Variants in PMEPA1 observed in about 807,000 individuals in gnomAD.
PMEPA1 encodes prostate transmembrane protein, androgen induced 1.
Under a neutral mutation model 23.0 loss-of-function variants are expected in PMEPA1, and 11 were observed. That is an observed-to-expected ratio of 0.48 (90% CI 0.30 to 0.79). The LOEUF is 0.79. Ranked by LOEUF, PMEPA1 falls within the 30% of genes least tolerant of loss-of-function variation. The pLI is 0.06. For synonymous variants in PMEPA1, 204 were observed against 166.4 expected (o/e 1.23, Z -1.74); for missense variants, 377 against 390.9 (o/e 0.96, Z 0.30).
At chr20:57,680,987 G>C (rs960283612) in intron 1 of PMEPA1, among the ~76,000 whole-genome samples, 8 of 152,156 alleles carry the variant, frequency 5.3e-5, no homozygotes, top group African/African-American at 1.9e-4. Context: ...GTCGGGGCCG[G>C]GTCAGTGAGG....
intron 1 of PMEPA1, among the ~76,000 whole-genome samples, chr20:57,693,764 G>T (rs2071912327): frequency 6.6e-6 from 1 of 152,128 alleles, no homozygotes; most frequent in African/African-American, 2.4e-5. Context: ...AATACACAGA[G>T]ATCAGGATGC....
intron 1 of PMEPA1, among the ~76,000 whole-genome samples, chr20:57,675,099 T>A (rs1364384506): frequency 6.6e-6 from 1 of 152,144 alleles, no homozygotes; most frequent in East Asian, 1.9e-4. Flanking sequence ...CTTATTATCA[T>A]CCCATTTTTG....
rs1433698997 is a variant in PMEPA1 at position 57,682,608 on chromosome 20, A to T, written c.110-22911T>A. Reference sequence around the variant, plus strand: ...GAAGACGAAAGGACACGAGAAGGAGAGGCACAGCTGCGTCGCTGGCTGTGA... The same window carrying T: ...GAAGACGAAAGGACACGAGAAGGAGTGGCACAGCTGCGTCGCTGGCTGTGA... On this transcript the variant is annotated intron_variant, in intron 1 of 3. Transcript: ENST00000341744. The surrounding 1 kb of genome is among the most constrained non-coding windows in gnomAD (Gnocchi z 4.4). Among the ~76,000 whole-genome samples, 1 of 152,060 alleles carries T rather than the reference A, an allele frequency of 6.6e-6. No individual in the cohort carries two copies. The highest frequency in any genetic ancestry group is 1.5e-5 in the Non-Finnish European group (1 of 68,012).
At chr20:57,675,737 G>GGTGTCT (rs1394323816) in intron 1 of PMEPA1, among the ~76,000 whole-genome samples, 1 of 152,220 alleles carries the variant, frequency 6.6e-6, no homozygotes, top group African/African-American at 2.4e-5. Context: ...CGTGTCCAAG[G>GGTGTCT]GTGTCTGTGT....
At position 57,652,292 on chromosome 20, in the gene PMEPA1, T is replaced by TG. The variant is rs751873496; in HGVS notation, c.624dup (p.Ser209GlnfsTer3). 19 of 1,609,828 alleles carry TG rather than the reference T, an allele frequency of 1.2e-5. No homozygotes were observed. Among genetic ancestry groups the TG allele is most frequent in the Non-Finnish European group, 8.5e-7 (1 of 1,179,610 alleles). On this transcript the variant is annotated frameshift_variant, in exon 4 of 4. Coordinates refer to ENST00000341744, the MANE Select transcript of PMEPA1 (RefSeq NM_020182.5). LOFTEE classifies it high-confidence loss of function. The surrounding 1 kb of genome is among the most constrained non-coding windows in gnomAD (Gnocchi z 6.1). ...GTGGCGCTGATGCCCGAGTTACTGCTGGGGGGGCAGGGGCCGCCCAGCCTG... is the reference window on the plus strand; with the variant it reads ...GTGGCGCTGATGCCCGAGTTACTGCTGGGGGGGGCAGGGGCCGCCCAGCCTG...
At chr20:57,701,853 G>T (rs1044159888) in intron 1 of PMEPA1, among the ~76,000 whole-genome samples, 1 of 152,142 alleles carries the variant, frequency 6.6e-6, no homozygotes, top group African/African-American at 2.4e-5. Flanking sequence ...ACGCACATGA[G>T]ACTCCTACCA....
At chr20:57,707,927 C>T (rs1262492107) in intron 1 of PMEPA1, among the ~76,000 whole-genome samples, 1 of 152,238 alleles carries the variant, frequency 6.6e-6, no homozygotes. Flanking sequence ...TCTGGGAAGG[C>T]AAGTCGGTTC....
Position 57,709,761 on chromosome 20 carries a change from G to C in PMEPA1, c.-179C>G. 1 of 980,736 alleles carries C rather than the reference G, an allele frequency of 1.0e-6. No homozygotes were observed. Among genetic ancestry groups the C allele is most frequent in the Non-Finnish European group, 1.2e-6 (1 of 827,860 alleles). 60.8% of individuals were successfully genotyped at this position (980,736 alleles called of 1,614,324 possible). A position where few individuals can be genotyped will look rare whatever the true frequency, so the allele number is the denominator to read the frequency against. ...CGGGGCGCCGCGGGGCTCAGTGCGC[G>C]GGACCGCGCTCCGCTGCGCCCCCCC... On this transcript the variant is annotated 5_prime_UTR_variant, in exon 1 of 4. Transcript: ENST00000341744.
chr20:57,668,021 G>T (rs1437372965), intron 1 of PMEPA1, among the ~76,000 whole-genome samples: 2 of 152,208 alleles, frequency 1.3e-5, no homozygotes, highest in Admixed American at 6.5e-5. Context: ...CTTGAGGTTT[G>T]GGGGGCGGGC....
Position 57,683,547 on chromosome 20 carries a change from CTGTGTGCG to C in PMEPA1, c.110-23858_110-23851del, listed in dbSNP as rs2071750743. On this transcript the variant is annotated intron_variant, in intron 1 of 3. Coordinates refer to ENST00000341744, the MANE Select transcript of PMEPA1 (RefSeq NM_020182.5). The surrounding 1 kb of genome is among the most constrained non-coding windows in gnomAD (Gnocchi z 4.3). Reference sequence around the variant, plus strand: ...ACTAACTCGGTGGTGGTGTTCTGGCCTGTGTGCGTGTGTGTGTGTGTGTGTGTGTGTGT... The same window carrying C: ...ACTAACTCGGTGGTGGTGTTCTGGCCTGTGTGTGTGTGTGTGTGTGTGTGT... Among the ~76,000 whole-genome samples the C allele has an allele frequency of 7.1e-6, 1 of 139,878 alleles. No homozygotes were observed. The highest frequency in any genetic ancestry group is 1.5e-5 in the Non-Finnish European group (1 of 67,026). The allele number at this position is 139,878 out of a possible 152,430, so 91.8% of individuals were successfully genotyped here.
intron 1 of PMEPA1, among the ~76,000 whole-genome samples, chr20:57,664,135 C>A (rs2071460143): frequency 6.6e-6 from 1 of 152,194 alleles, no homozygotes; most frequent in Non-Finnish European, 1.5e-5. Context: ...AGGGCACGCG[C>A]ACCGACCGTC....
At chr20:57,665,179 A>G (rs2071475532) in intron 1 of PMEPA1, among the ~76,000 whole-genome samples, 1 of 152,206 alleles carries the variant, frequency 6.6e-6, no homozygotes, top group Non-Finnish European at 1.5e-5. Flanking sequence ...ACCCGGGGCC[A>G]CTGAGCTGAG....
intron 1 of PMEPA1, among the ~76,000 whole-genome samples, chr20:57,664,599 G>T (rs2071467972): frequency 6.7e-6 from 1 of 149,756 alleles, no homozygotes; most frequent in East Asian, 1.9e-4. Context: ...AGGCTGCTGG[G>T]GCCCATTCCC....
In PMEPA1 at chr20:57,651,028, C is replaced by T. The variant is rs1414603935; in HGVS notation, c.*1025G>A. On this transcript the variant is annotated 3_prime_UTR_variant, in exon 4 of 4. Coordinates refer to ENST00000341744, the MANE Select transcript of PMEPA1 (RefSeq NM_020182.5). ...CCATGCTCCACCCCACGGGGACCTT[C>T]ACAGTTGGAAAAAAGAAGAGGAAAA... 1 of 152,206 alleles carries T rather than the reference C, an allele frequency of 6.6e-6. No homozygotes were observed. Among genetic ancestry groups the T allele is most frequent in the Admixed American group, 6.5e-5 (1 of 15,290 alleles). The allele number at this position is 152,206 out of a possible 1,614,324, so 9.4% of individuals were successfully genotyped here. A position where few individuals can be genotyped will look rare whatever the true frequency, so the allele number is the denominator to read the frequency against.
chr20:57,704,444 A>T lies in PMEPA1; in HGVS notation c.109+5030T>A, dbSNP rs980044487. 1.3e-5 allele frequency among the ~76,000 whole-genome samples: 2 copies of T among 152,154 alleles called. No individual in the cohort carries two copies. Among genetic ancestry groups the T allele is most frequent in the Admixed American group, 1.3e-4 (2 of 15,286 alleles). ...TGCCCCAACCATGCGTGCGTTACGC[A>T]ACACTTTGTAAAAAGCAAAAAATGG... On this transcript the variant is annotated intron_variant, in intron 1 of 3. Transcript: ENST00000341744. This position sits in a 1 kb window ranked among gnomAD's most constrained non-coding sequence, Gnocchi z 4.6.
At chr20:57,672,569 G>A (rs940664239) in intron 1 of PMEPA1, among the ~76,000 whole-genome samples, 7 of 152,240 alleles carry the variant, frequency 4.6e-5, no homozygotes, top group South Asian at 2.1e-4. Flanking sequence ...GACGGGCACC[G>A]TCTGGAGGGG....
chr20:57,684,212 G>A (rs963295285), intron 1 of PMEPA1, among the ~76,000 whole-genome samples: 52 of 136,050 alleles, frequency 3.8e-4, no homozygotes, highest in Middle Eastern at 8.1e-3. Context: ...GAGGGGAGGC[G>A]GGTGGAAATT....
intron 1 of PMEPA1, among the ~76,000 whole-genome samples, chr20:57,680,974 C>T (rs543587832): frequency 4.6e-5 from 7 of 151,122 alleles, no homozygotes; most frequent in Non-Finnish European, 7.4e-5. Flanking sequence ...AATCATCCCA[C>T]GGGTCGGGGC....
At position 57,682,711 on chromosome 20, in the gene PMEPA1, G is replaced by A. The variant is rs972223154; in HGVS notation, c.110-23014C>T. On this transcript the variant is annotated intron_variant, in intron 1 of 3. Coordinates refer to ENST00000341744, the MANE Select transcript of PMEPA1 (RefSeq NM_020182.5). The surrounding 1 kb of genome is among the most constrained non-coding windows in gnomAD (Gnocchi z 4.4). Reference sequence around the variant, plus strand: ...TCCCTGTCAAGTCTGTGTCCCCATCGCCAGCAGAAACCAACTCCTCCTGGA... The same window carrying A: ...TCCCTGTCAAGTCTGTGTCCCCATCACCAGCAGAAACCAACTCCTCCTGGA... 1.3e-5 allele frequency among the ~76,000 whole-genome samples: 2 copies of A among 152,148 alleles called. No individual in the cohort carries two copies. Among genetic ancestry groups the A allele is most frequent in the Non-Finnish European group, 2.9e-5 (2 of 68,028 alleles).
Sources: allele counts gnomAD v4.1 joint callset (sites outside exome capture counted in the v4.1 genomes callset), GRCh38; gene constraint gnomAD v4.1.1; non-coding constraint Gnocchi (gnomAD v3.1); transcripts MANE v1.5; gene names NCBI Gene and HGNC (gene_info 2026-07-23, HGNC 2026-07-21).